WDR1: variants seen among roughly 807,000 people sequenced by gnomAD.
WDR1 encodes the protein WD repeat-containing protein 1.
A neutral mutation model predicts 71.9 loss-of-function variants in WDR1; 21 were observed. The ratio of observed to expected loss-of-function variants is 0.29; its 90% CI spans 0.21 to 0.42. WDR1 has a LOEUF of 0.42. Ranked by LOEUF, WDR1 falls within the 10% of genes least tolerant of loss-of-function variation. WDR1 has a pLI of 1.00. For synonymous variants in WDR1, 424 were observed against 347.4 expected, an observed-to-expected ratio of 1.22 and a Z score of -2.45; for missense variants, 696 against 824.5, an observed-to-expected ratio of 0.84 and a Z score of 1.91.
chr4:10,078,606 C>T, intron 12 of WDR1: 1 of 300,900 alleles, frequency 3.3e-6, no homozygotes, highest in South Asian at 7.3e-5. Flanking sequence ...TGAGGCACAG[C>T]TGTGCCCTCC....
chr4:10,080,499 T>A (rs1244032654), intron 11 of WDR1, among the ~76,000 whole-genome samples: 1 of 152,232 alleles, frequency 6.6e-6, no homozygotes, highest in Non-Finnish European at 1.5e-5. Flanking sequence ...GATTTCTTAT[T>A]ATCTAGGACA....
At chr4:10,079,501 G>C (rs1418941565) in intron 11 of WDR1, among the ~76,000 whole-genome samples, 1 of 152,226 alleles carries the variant, frequency 6.6e-6, no homozygotes, top group Non-Finnish European at 1.5e-5. Flanking sequence ...GGCTGAGCCG[G>C]GACTCGCCCA....
intron 2 of WDR1, chr4:10,115,670 G>A (rs1294947551): frequency 6.5e-6 from 1 of 155,034 alleles, no homozygotes; most frequent in African/African-American, 2.4e-5. Context: ...CTGTTTTACA[G>A]ACGAGAAAAC....
intron 5 of WDR1, among the ~76,000 whole-genome samples, chr4:10,090,173 TA>T (rs1711878767): frequency 6.6e-6 from 1 of 152,162 alleles, no homozygotes; most frequent in South Asian, 2.1e-4. Context: ...TTCCAGAGAA[TA>T]AATTTCCATT....
intron 8 of WDR1, 69 bp downstream of exon 8, chr4:10,087,638 C>G: frequency 6.9e-7 from 1 of 1,442,702 alleles, no homozygotes; most frequent in Non-Finnish European, 9.3e-7. Flanking sequence ...GGTTCCCCTT[C>G]CTTGCTGGCC....
chr4:10,087,256 G>A (rs1474412886), intron 8 of WDR1, among the ~76,000 whole-genome samples: 1 of 152,238 alleles, frequency 6.6e-6, no homozygotes, highest in African/African-American at 2.4e-5. Flanking sequence ...CCAGGCCCAA[G>A]GCCACCTGCT....
At chr4:10,102,752 G>A (rs979713402) in intron 3 of WDR1, among the ~76,000 whole-genome samples, 1 of 152,182 alleles carries the variant, frequency 6.6e-6, no homozygotes, top group East Asian at 1.9e-4. Flanking sequence ...ACGCAGGATG[G>A]TACAAGCATA....
At chr4:10,099,171 A>AGGGGGGGGGGGGGGGGGGGGGGG in intron 3 of WDR1, 32 bp from the exon 4 acceptor site, 2 of 109,754 alleles carry the variant, frequency 1.8e-5, no homozygotes, top group South Asian at 1.2e-4. Flanking sequence ...GGAGGGGGGG[A>AGGGGGGGGGGGGGGGGGGGGGGG]GGCGGTGGTG....
intron 10 of WDR1, among the ~76,000 whole-genome samples, chr4:10,081,676 A>AGGGGGGGGGGGG (rs1258740889): frequency 9.7e-5 from 1 of 10,320 alleles, no homozygotes; most frequent in Non-Finnish European, 2.1e-4. Flanking sequence ...GGGGGGGGGA[A>AGGGGGGGGGGGG]GGAGGGGCGG....
chr4:10,097,975 C>A, intron 4 of WDR1, 84 bp from the exon 5 acceptor site: 1 of 1,371,264 alleles, frequency 7.3e-7, no homozygotes, highest in Non-Finnish European at 9.7e-7. Context: ...GATAGCTGAG[C>A]TGCCAGTGCA....
chr4:10,088,511 T>TTA (rs780439693), intron 6 of WDR1, 138 bp from the exon 7 acceptor site: 2 of 1,129,198 alleles, frequency 1.8e-6, no homozygotes, highest in African/African-American at 3.1e-5. Flanking sequence ...AGACATGCAT[T>TTA]TACTGGGCTC....
At chr4:10,099,174 C>CCCGGGGGGGGGGGGGGGGGGGGGGGG in intron 3 of WDR1, 35 bp from the exon 4 acceptor site, 1 of 109,374 alleles carries the variant, frequency 9.1e-6, no homozygotes. Context: ...GGGGGGGAGG[C>CCCGGGGGGGGGGGGGGGGGGGGGGGG]GGTGGTGGGG....
intron 3 of WDR1, among the ~76,000 whole-genome samples, chr4:10,101,167 C>A (rs1446181682): frequency 6.6e-6 from 1 of 152,278 alleles, no homozygotes; most frequent in East Asian, 1.9e-4. Context: ...GAAAAGGAGG[C>A]CTGGGCCTGC....
chr4:10,083,206 C>T (rs772585969), intron 9 of WDR1, 28 bp from the exon 10 acceptor site: 3 of 1,604,872 alleles, frequency 1.9e-6, no homozygotes, highest in Non-Finnish European at 2.6e-6. Context: ...AAAAGCCCGG[C>T]TCCCAGGACT....
In WDR1 at chr4:10,078,883, C is replaced by T. The variant is rs374122996; in HGVS notation, c.1395+8G>A. The T allele has an allele frequency of 2.9e-5, 47 of 1,609,924 alleles. 1 individual carries two copies. Among genetic ancestry groups the T allele is most frequent in the African/African-American group, 1.5e-4 (11 of 74,960 alleles). On this transcript the variant is annotated splice_region_variant and intron_variant, in intron 12 of 14. Coordinates refer to ENST00000499869, the MANE Select transcript of WDR1 (RefSeq NM_017491.5). ...ACAGAGAGCACGGGGGAGAGGAAAG[C>T]GACTTACCACACCCCCAATTGCCAC...
rs753036384 is a variant in WDR1, at chr4:10,081,389, C to G, written c.1252G>C (p.Gly418Arg). ...ATGCACACGACCACGGCGTATCCCC[C>G]GGGGCCGACGGCTACGCACTTTGGC... ...VQPKCVAVGP[G>R]GYAVVVCIGQ... Residue 418 changes from glycine (G) to arginine (R), a missense_variant, in exon 11 of 15, where the codon GGG becomes CGG. Transcript: ENST00000499869. 7 of 1,613,920 alleles carry G rather than the reference C, an allele frequency of 4.3e-6. No homozygotes were observed. Among genetic ancestry groups the G allele is most frequent in the Non-Finnish European group, 5.1e-6 (6 of 1,179,880 alleles).
At chr4:10,079,070 G>T in intron 11 of WDR1, 69 bp from the exon 12 acceptor site, 1 of 1,316,680 alleles carries the variant, frequency 7.6e-7, no homozygotes, top group East Asian at 2.6e-5. Flanking sequence ...TGGTAGGAGG[G>T]GCGCGTCCCT....
At chr4:10,092,703 C>A in intron 5 of WDR1, 1 of 275,420 alleles carries the variant, frequency 3.6e-6, no homozygotes, top group Non-Finnish European at 7.3e-6. Context: ...CGCGAAAAGC[C>A]CATTAACCAA....
chr4:10,075,634 G>T, intron 14 of WDR1, 150 bp from the exon 15 acceptor site: 1 of 697,960 alleles, frequency 1.4e-6, no homozygotes. Flanking sequence ...GCCTGGCACG[G>T]TGGCAGTGTG....
Sources: gnomAD v4.1 joint callset for allele counts (sites outside exome capture counted in the v4.1 genomes callset) on GRCh38, gnomAD v4.1.1 for gene constraint, MANE v1.5 for transcripts, NCBI Gene and HGNC (gene_info 2026-07-23, HGNC 2026-07-21) for gene names.